Variants in GRID2IP observed in about 807,000 individuals in gnomAD.
The protein encoded by GRID2IP is delphilin.
GRID2IP carries 78 observed loss-of-function variants against 114.3 expected under a neutral mutation model. That is an observed-to-expected ratio of 0.68 (90% CI 0.57 to 0.82). The LOEUF is 0.82. Among genes scored for constraint, GRID2IP ranks in the 40% least tolerant of loss-of-function variants. GRID2IP has a pLI of 0.00. For missense variants in GRID2IP, 1,727 were observed against 1,678.5 expected (o/e 1.03, Z -0.51); for synonymous variants, 809 against 724.0 (o/e 1.12, Z -1.89).
At position 6,526,156 on chromosome 7, in the gene GRID2IP, G is replaced by C; in HGVS notation, c.919+68C>G. 7.9e-7 allele frequency: 1 copy of C among 1,269,158 alleles called. No individual in the cohort carries two copies. The highest frequency in any genetic ancestry group is 1.1e-6 in the Non-Finnish European group (1 of 891,658). 78.6% of individuals were successfully genotyped at this position (1,269,158 alleles called of 1,614,324 possible). ...ACATGGGGTACAATGACCCGGCAGA[G>C]CCACCACGGGGCCCTTCACCCCATC... On this transcript the variant is annotated intron_variant, in intron 4 of 21. Transcript: ENST00000457091. The surrounding 1 kb of genome is among the most constrained non-coding windows in gnomAD (Gnocchi z 7.6).
chr7:6,513,512 G>A (rs1012381341), intron 8 of GRID2IP, among the ~76,000 whole-genome samples: 1 of 151,898 alleles, frequency 6.6e-6, no homozygotes, highest in African/African-American at 2.4e-5. Flanking sequence ...GAGCCACCAC[G>A]TCCAGCCTTA....
rs577329586 is a variant in GRID2IP, at chr7:6,526,353, C to T, written c.834-44G>A. ...GCGAGCAGCATGATGGAGAGGGGGC[C>T]CTGGGGCGCAGAGGTTGGAGATGTC... On this transcript the variant is annotated intron_variant, in intron 3 of 21. Transcript: ENST00000457091. The surrounding 1 kb of genome is among the most constrained non-coding windows in gnomAD (Gnocchi z 7.6). The T allele has an allele frequency of 7.0e-5, 108 of 1,533,876 alleles. No individual in the cohort carries two copies. The highest frequency in any genetic ancestry group is 2.2e-5 in the Non-Finnish European group (25 of 1,131,830).
At chr7:6,511,465 CAGGTTCA>C (rs1399476580) in intron 8 of GRID2IP, among the ~76,000 whole-genome samples, 3 of 152,066 alleles carry the variant, frequency 2.0e-5, no homozygotes, top group African/African-American at 7.2e-5. Flanking sequence ...CTCCACCTCC[CAGGTTCA>C]AGCGATTCTC....
rs189104142 is a variant in GRID2IP, at chr7:6,502,468, G to A, written c.3150+318C>T. ...TGGCCTCAAGTGATCCTCTCACCTTGGCCTCCAAAGTGCCGGGATTACAGG... is the reference window on the plus strand; with the variant it reads ...TGGCCTCAAGTGATCCTCTCACCTTAGCCTCCAAAGTGCCGGGATTACAGG... On this transcript the variant is annotated intron_variant, in intron 18 of 21. Transcript: ENST00000457091. 2.8e-3 allele frequency among the ~76,000 whole-genome samples: 424 copies of A among 152,178 alleles called. 4 individuals are homozygous for A. Among genetic ancestry groups the A allele is most frequent in the Non-Finnish European group, 5.1e-3 (344 of 68,010 alleles).
chr7:6,535,982 G>A (rs1240977017), intron 2 of GRID2IP, among the ~76,000 whole-genome samples: 1 of 152,176 alleles, frequency 6.6e-6, no homozygotes, highest in African/African-American at 2.4e-5. Context: ...CAAGAAGCCT[G>A]CCCTGGTTGC....
chr7:6,508,146 C>T lies in GRID2IP; in HGVS notation c.2383G>A (p.Val795Ile), dbSNP rs2115361678. 8 of 1,509,324 alleles carry T rather than the reference C, an allele frequency of 5.3e-6. No homozygotes were observed. Among genetic ancestry groups the T allele is most frequent in the African/African-American group, 2.8e-5 (2 of 72,458 alleles). 93.5% of individuals were successfully genotyped at this position (1,509,324 alleles called of 1,614,324 possible). The change falls in exon 13 of 22, where the codon GTC (valine) becomes ATC (isoleucine). Residue 795 changes from valine (V) to isoleucine (I), a missense_variant. Coordinates refer to ENST00000457091, the MANE Select transcript of GRID2IP (RefSeq NM_001145118.2). This position sits in a 1 kb window ranked among gnomAD's most constrained non-coding sequence, Gnocchi z 5.6. ...AKPLTQLSHPVPPPPPPPLPP... is the reference protein window; with the variant it reads ...AKPLTQLSHPIPPPPPPPLPP... Reference sequence around the variant, plus strand: ...AGGGGCGGTGGGGGTGGTGGAGGGACTGGGTGGCTGAGTTGGGTGAGGGGC... The same window carrying T: ...AGGGGCGGTGGGGGTGGTGGAGGGATTGGGTGGCTGAGTTGGGTGAGGGGC...
At chr7:6,499,122 A>G (rs1399614514) in intron 20 of GRID2IP, among the ~76,000 whole-genome samples, 1 of 152,156 alleles carries the variant, frequency 6.6e-6, no homozygotes, top group Non-Finnish European at 1.5e-5. Flanking sequence ...TAACACCTCT[A>G]TGAGGTAGAT....
chr7:6,522,498 T>A (rs1455294474), intron 4 of GRID2IP, among the ~76,000 whole-genome samples: 1 of 150,172 alleles, frequency 6.7e-6, no homozygotes, highest in South Asian at 2.1e-4. Context: ...TTATTTTCTG[T>A]ATTTTTTTTT....
At position 6,534,646 on chromosome 7, in the gene GRID2IP, C is replaced by T. The variant is rs1472079861; in HGVS notation, c.584+5072G>A. 6.6e-6 allele frequency among the ~76,000 whole-genome samples: 1 copy of T among 152,130 alleles called. No individual in the cohort carries two copies. Among genetic ancestry groups the T allele is most frequent in the Non-Finnish European group, 1.5e-5 (1 of 68,028 alleles). On this transcript the variant is annotated intron_variant, in intron 2 of 21. Coordinates refer to ENST00000457091, the MANE Select transcript of GRID2IP (RefSeq NM_001145118.2). This position sits in a 1 kb window ranked among gnomAD's most constrained non-coding sequence, Gnocchi z 4.5. The stretch of plus-strand genomic sequence containing the variant: ...CATATGTCACTGTCACTGTTGTGTG[C>T]TTGGAATGTGGCTAGTGAGACTGAG...
Position 6,520,406 on chromosome 7 carries a change from G to A in GRID2IP, c.1268+172C>T, listed in dbSNP as rs1239627002. ...GTGTCAGAGTCAGAGATTGTTCCAG[G>A]GCAGCTCAATTGCCCACCACCCTGG... On this transcript the variant is annotated intron_variant, in intron 7 of 21. Coordinates refer to ENST00000457091, the MANE Select transcript of GRID2IP (RefSeq NM_001145118.2). This position sits in a 1 kb window ranked among gnomAD's most constrained non-coding sequence, Gnocchi z 4.6. Among the ~76,000 whole-genome samples, 2 of 152,158 alleles carry A rather than the reference G, an allele frequency of 1.3e-5. No homozygotes were observed. The highest frequency in any genetic ancestry group is 1.3e-4 in the Admixed American group (2 of 15,260).
At position 6,526,515 on chromosome 7, in the gene GRID2IP, G is replaced by C; in HGVS notation, c.833+6C>G. ...CCCGCTGCCAGTGCCTGTGAGCCCC[G>C]CGTACCTGCGCGCGCCCCCGGGGCC... On this transcript the variant is annotated splice_donor_region_variant and intron_variant, in intron 3 of 21. Coordinates refer to ENST00000457091, the MANE Select transcript of GRID2IP (RefSeq NM_001145118.2). This position sits in a 1 kb window ranked among gnomAD's most constrained non-coding sequence, Gnocchi z 7.6. 7.9e-7 allele frequency: 1 copy of C among 1,263,180 alleles called. No homozygotes were observed. The highest frequency in any genetic ancestry group is 2.9e-5 in the South Asian group (1 of 34,640). 78.2% of individuals were successfully genotyped at this position (1,263,180 alleles called of 1,614,324 possible).
intron 1 of GRID2IP, among the ~76,000 whole-genome samples, chr7:6,545,648 T>C (rs1779877157): frequency 6.6e-6 from 1 of 152,246 alleles, no homozygotes; most frequent in African/African-American, 2.4e-5. Context: ...TGTAACCGTC[T>C]GTCTCCCCCA....
At chr7:6,541,058 T>C (rs991234487) in intron 1 of GRID2IP, among the ~76,000 whole-genome samples, 2 of 152,020 alleles carry the variant, frequency 1.3e-5, no homozygotes, top group African/African-American at 4.8e-5. Context: ...ATTAAATTTT[T>C]TTTTTCTATA....
intron 1 of GRID2IP, 87 bp downstream of exon 1, chr7:6,550,921 G>T: frequency 8.4e-7 from 1 of 1,186,808 alleles, no homozygotes; most frequent in Non-Finnish European, 1.0e-6. Context: ...CTTACCTCTG[G>T]CCCTGGGAGA....
chr7:6,550,124 G>A (rs1444028834), intron 1 of GRID2IP, among the ~76,000 whole-genome samples: 1 of 151,944 alleles, frequency 6.6e-6, no homozygotes, highest in Non-Finnish European at 1.5e-5. Flanking sequence ...CTGAGTATCT[G>A]GGACTATAAG....
rs1226680685 is a variant in GRID2IP, at chr7:6,504,844, G to A, written c.2659C>T (p.Arg887Trp). 1 of 1,551,254 alleles carries A rather than the reference G, an allele frequency of 6.4e-7. No homozygotes were observed. Among genetic ancestry groups the A allele is most frequent in the Non-Finnish European group, 8.7e-7 (1 of 1,146,840 alleles). The change falls in exon 15 of 22, where the codon CGG becomes TGG. Residue 887 changes from arginine (R) to tryptophan (W), a missense_variant. Transcript: ENST00000457091. ...AGGATCTCCACCACCTCCTTCTTCCGGAAGGGCTCCGGCCCCGGCACCGGT... is the reference window on the plus strand; with the variant it reads ...AGGATCTCCACCACCTCCTTCTTCCAGAAGGGCTCCGGCCCCGGCACCGGT... Reference protein sequence around the residue: ...AKPVPGPEPFRKKEVVEILSH... With the variant: ...AKPVPGPEPFWKKEVVEILSH...
rs565641103 is a variant in GRID2IP at position 6,508,659 on chromosome 7, T to C, written c.2128-258A>G. On this transcript the variant is annotated intron_variant, in intron 12 of 21. Transcript: ENST00000457091. This position sits in a 1 kb window ranked among gnomAD's most constrained non-coding sequence, Gnocchi z 5.6. ...AGGCTGTGAGGGGGATAGCCTGGAATAAGGACAGGACCCTGTCACGGGTTA... is the reference window on the plus strand; with the variant it reads ...AGGCTGTGAGGGGGATAGCCTGGAACAAGGACAGGACCCTGTCACGGGTTA... Among the ~76,000 whole-genome samples the C allele has an allele frequency of 1.5e-3, 235 of 151,798 alleles. 2 individuals carry two copies. The highest frequency in any genetic ancestry group is 2.4e-3 in the Non-Finnish European group (162 of 67,872).
At chr7:6,501,576 C>CAGAGT (rs1351478968) in intron 20 of GRID2IP, among the ~76,000 whole-genome samples, 1 of 152,164 alleles carries the variant, frequency 6.6e-6, no homozygotes, top group Non-Finnish European at 1.5e-5. Flanking sequence ...GCCTGGGTGA[C>CAGAGT]AGAGTGAGAC....
Position 6,509,121 on chromosome 7 carries a change from C to T in GRID2IP, c.1964G>A (p.Ser655Asn). The T allele has an allele frequency of 6.8e-7, 1 of 1,475,654 alleles. No individual in the cohort carries two copies. Among genetic ancestry groups the T allele is most frequent in the Non-Finnish European group, 9.0e-7 (1 of 1,112,998 alleles). 91.4% of individuals were successfully genotyped at this position (1,475,654 alleles called of 1,614,324 possible). The change falls in exon 12 of 22, where the codon AGC (serine) becomes AAC (asparagine). Residue 655 changes from serine (S) to asparagine (N), a missense_variant. Transcript: ENST00000457091. This position sits in a 1 kb window ranked among gnomAD's most constrained non-coding sequence, Gnocchi z 4.9. Reference protein sequence around the residue: ...PGPICPDSPPSPDPTRPPSRR... With the variant: ...PGPICPDSPPNPDPTRPPSRR... The stretch of plus-strand genomic sequence containing the variant: ...GCTGGGCGGGCGGGTGGGGTCCGGG[C>T]TTGGGGGGCTGTCGGGGCAGATGGG...
Sources: allele counts gnomAD v4.1 joint callset (sites outside exome capture counted in the v4.1 genomes callset), GRCh38; gene constraint gnomAD v4.1.1; non-coding constraint Gnocchi (gnomAD v3.1); transcripts MANE v1.5; gene names NCBI Gene and HGNC (gene_info 2026-07-23, HGNC 2026-07-21).